Variants in C9orf50 observed in about 807,000 individuals in gnomAD.
C9orf50 encodes uncharacterized protein C9orf50.
C9orf50 carries 33 observed loss-of-function variants against 42.5 expected under a neutral mutation model. The observed-to-expected ratio is 0.78, with a 90% confidence interval of 0.59 to 1.04. C9orf50 has a LOEUF of 1.04. Among genes scored for constraint, C9orf50 ranks in the 50% least tolerant of loss-of-function variants. C9orf50 has a pLI of 0.00. For missense variants in C9orf50, 547 were observed against 594.3 expected (o/e 0.92, Z 0.83); for synonymous variants, 257 against 273.4 (o/e 0.94, Z 0.59).
chr9:129,615,157 G>A (rs1002829526), intron 4 of C9orf50, among the ~76,000 whole-genome samples: 6 of 152,180 alleles, frequency 3.9e-5, no homozygotes, highest in South Asian at 2.1e-4. Flanking sequence ...TGGGGACTGC[G>A]GAGGGGAGCA....
In C9orf50 at chr9:129,613,404, A is replaced by C; in HGVS notation, c.1043+31T>G. 6.2e-7 allele frequency: 1 copy of C among 1,608,818 alleles called. No individual in the cohort carries two copies. Among genetic ancestry groups the C allele is most frequent in the Non-Finnish European group, 8.5e-7 (1 of 1,176,538 alleles). ...GGGGTGGAGGGCCCTGGCAATGTCCACGAGTCCCATCCGCTTCCCTGGAGC... is the reference window on the plus strand; with the variant it reads ...GGGGTGGAGGGCCCTGGCAATGTCCCCGAGTCCCATCCGCTTCCCTGGAGC... On this transcript the variant is annotated intron_variant, in intron 5 of 6. Coordinates refer to ENST00000372478, the Ensembl canonical transcript of C9orf50. This position sits in a 1 kb window ranked among gnomAD's most constrained non-coding sequence, Gnocchi z 6.2.
At chr9:129,617,997 C>A (rs1329747025) in intron 3 of C9orf50, among the ~76,000 whole-genome samples, 1 of 152,174 alleles carries the variant, frequency 6.6e-6, no homozygotes, top group Non-Finnish European at 1.5e-5. Flanking sequence ...TGTTCCATTT[C>A]TAGTTCCTAC....
rs1409390504 is a variant in C9orf50, at chr9:129,613,462, C to A, written c.1016G>T (p.Ser339Ile). The stretch of plus-strand genomic sequence containing the variant: ...GCCAGCGCAGTCCCAACACGAGGAG[C>A]TGGCCAGGGTCTCCTCCTTGGCCCC... The change falls in exon 5 of 7, where the codon AGC (serine) becomes ATC (isoleucine). Residue 339 changes from serine (S) to isoleucine (I), a missense_variant. By Grantham distance (142) the Ser-to-Ile change is moderately radical (BLOSUM62 -2). Coordinates refer to ENST00000372478, the Ensembl canonical transcript of C9orf50. The surrounding 1 kb of genome is among the most constrained non-coding windows in gnomAD (Gnocchi z 6.2). 1.2e-6 allele frequency: 2 copies of A among 1,614,012 alleles called. No homozygotes were observed. Among genetic ancestry groups the A allele is most frequent in the Non-Finnish European group, 1.7e-6 (2 of 1,180,002 alleles).
At chr9:129,612,226 T>C in exon 7 of C9orf50, 1 of 762,292 alleles carries the variant, frequency 1.3e-6, no homozygotes, top group East Asian at 2.7e-5. Flanking sequence ...CAGAAAGGCT[T>C]GTGGTGTGAC....
At chr9:129,618,123 A>T (rs1830484164) in intron 3 of C9orf50, among the ~76,000 whole-genome samples, 1 of 152,086 alleles carries the variant, frequency 6.6e-6, no homozygotes, top group Admixed American at 6.6e-5. Flanking sequence ...AGGAAGAATG[A>T]TATGTTTGTG....
Position 129,613,060 on chromosome 9 carries a change from C to T in C9orf50, c.1188+47G>A. 4 of 1,610,054 alleles carry T rather than the reference C, an allele frequency of 2.5e-6. No individual in the cohort carries two copies. Among genetic ancestry groups the T allele is most frequent in the South Asian group, 1.1e-5 (1 of 90,496 alleles). ...GGCTGCTCCCGGAGCCAGCTGCCAG[C>T]AGGGGCTCACCAGCTTCTAGGTCCA... On this transcript the variant is annotated intron_variant, in intron 6 of 6. Transcript: ENST00000372478. The surrounding 1 kb of genome is among the most constrained non-coding windows in gnomAD (Gnocchi z 6.2).
chr9:129,613,387 G>A lies in C9orf50; in HGVS notation c.1043+48C>T, dbSNP rs539917130. Reference sequence around the variant, plus strand: ...GAGGTCTGTAGGCAAGGGGGGTGGAGGGCCCTGGCAATGTCCACGAGTCCC... The same window carrying A: ...GAGGTCTGTAGGCAAGGGGGGTGGAAGGCCCTGGCAATGTCCACGAGTCCC... On this transcript the variant is annotated intron_variant, in intron 5 of 6. Coordinates refer to ENST00000372478, the Ensembl canonical transcript of C9orf50. This position sits in a 1 kb window ranked among gnomAD's most constrained non-coding sequence, Gnocchi z 6.2. 41 of 1,599,714 alleles carry A rather than the reference G, an allele frequency of 2.6e-5. 1 individual carries two copies. The South Asian group carries it at 3.8e-4, about 15-fold the overall frequency.
rs983451655 is a variant in C9orf50 at position 129,614,046 on chromosome 9, C to T, written c.881-449G>A. ...AAAGGGCTGGGAAGCAGCAGGCTGG[C>T]CCCCACGTCTCCTGGGCACCCTGCT... On this transcript the variant is annotated intron_variant, in intron 4 of 6. Transcript: ENST00000372478. The surrounding 1 kb of genome is among the most constrained non-coding windows in gnomAD (Gnocchi z 4.4). Among the ~76,000 whole-genome samples, 1 of 152,184 alleles carries T rather than the reference C, an allele frequency of 6.6e-6. No homozygotes were observed. The highest frequency in any genetic ancestry group is 1.5e-5 in the Non-Finnish European group (1 of 68,026).
chr9:129,621,258 G>A (rs1830694408), upstream of C9orf50, among the ~76,000 whole-genome samples: 1 of 152,188 alleles, frequency 6.6e-6, no homozygotes. Flanking sequence ...CCTGGGTGGG[G>A]AGCCTGTTGA....
rs769871971 is a variant in C9orf50, at chr9:129,613,096, C to T, written c.1188+11G>A. On this transcript the variant is annotated intron_variant, in intron 6 of 6. Coordinates refer to ENST00000372478, the Ensembl canonical transcript of C9orf50. The surrounding 1 kb of genome is among the most constrained non-coding windows in gnomAD (Gnocchi z 6.2). Reference sequence around the variant, plus strand: ...CAGCTTCTAGGTCCAGGAGCAAGACCATTTGCCCACCTGCTCCAGGTTTCT... The same window carrying T: ...CAGCTTCTAGGTCCAGGAGCAAGACTATTTGCCCACCTGCTCCAGGTTTCT... 4.3e-6 allele frequency: 7 copies of T among 1,613,592 alleles called. No homozygotes were observed. In the East Asian group the frequency reaches 1.6e-4, roughly 36 times the overall value.
chr9:129,612,522 G>A, intron 6 of C9orf50, 68 bp from the exon 7 acceptor site: 1 of 1,269,736 alleles, frequency 7.9e-7, no homozygotes, highest in South Asian at 1.3e-5. Flanking sequence ...GCTCCCAGTG[G>A]GATTCTGTGC....
Position 129,613,262 on chromosome 9 carries a change from C to G in C9orf50, c.1044-11G>C, listed in dbSNP as rs1328578317. On this transcript the variant is annotated splice_polypyrimidine_tract_variant and intron_variant, in intron 5 of 6. Coordinates refer to ENST00000372478, the Ensembl canonical transcript of C9orf50. The surrounding 1 kb of genome is among the most constrained non-coding windows in gnomAD (Gnocchi z 6.2). ...GTCTTCTGGGTGGACCTGGGGGAGA[C>G]AGGACCCCATGAGCTTCCTGGACTC... The G allele has an allele frequency of 3.1e-6, 5 of 1,595,396 alleles. No individual in the cohort carries two copies. Among genetic ancestry groups the G allele is most frequent in the Non-Finnish European group, 4.3e-6 (5 of 1,168,916 alleles).
Position 129,619,905 on chromosome 9 carries a change from G to A in C9orf50, c.509-75C>T, listed in dbSNP as rs996241941. On this transcript the variant is annotated intron_variant, in intron 1 of 6. Transcript: ENST00000372478. ...TCTAGTCATGTGGCCTCGGGGTGAT[G>A]GCAGACCAGCCCTCAAGGACGGGTT... The A allele has an allele frequency of 4.5e-6, 7 of 1,539,194 alleles. No individual in the cohort carries two copies. In the African/African-American group the frequency reaches 9.5e-5, roughly 21 times the overall value.
In C9orf50 at chr9:129,618,528, T is replaced by C. The variant is rs111796736; in HGVS notation, c.716+992A>G. On this transcript the variant is annotated intron_variant, in intron 3 of 6. Coordinates refer to ENST00000372478, the Ensembl canonical transcript of C9orf50. ...GGACAGATGCGTGGCTGGATGATTA[T>C]GTAGATGGGTATGTAGGTTTGTGGA... Among the ~76,000 whole-genome samples, 1,178 of 152,130 alleles carry C rather than the reference T, an allele frequency of 7.7e-3. 8 individuals are homozygous for C. The highest frequency in any genetic ancestry group is 0.014 in the Non-Finnish European group (958 of 68,018).
upstream of C9orf50, among the ~76,000 whole-genome samples, chr9:129,621,313 T>A (rs1318827205): frequency 6.6e-6 from 1 of 152,176 alleles, no homozygotes; most frequent in African/African-American, 2.4e-5. Context: ...ATTCAGTACG[T>A]CTCTGCTGGA....
chr9:129,615,712 C>T, intron 3 of C9orf50, 65 bp from the exon 4 acceptor site: 2 of 1,450,908 alleles, frequency 1.4e-6, no homozygotes, highest in Non-Finnish European at 1.8e-6. Context: ...CACGCACCAG[C>T]CCCAGACTCG....
chr9:129,615,351 T>A (rs1345553359), intron 4 of C9orf50, 133 bp downstream of exon 4: 5 of 988,764 alleles, frequency 5.1e-6, no homozygotes, highest in Non-Finnish European at 7.1e-6. Flanking sequence ...TTCAGGCACA[T>A]CCTCTGCAGG....
In C9orf50 at chr9:129,615,649, TGAGA is replaced by T. The variant is rs1389415250; in HGVS notation, c.717-6_717-3del. On this transcript the variant is annotated splice_region_variant and splice_polypyrimidine_tract_variant and intron_variant, in intron 3 of 6. Coordinates refer to ENST00000372478, the Ensembl canonical transcript of C9orf50. ...GGGACCTGTGCACCGTGGGGCCTGCTGAGAGAGGGGAGAGGGGCCTGTGCTCGAA... is the reference window on the plus strand; with the variant it reads ...GGGACCTGTGCACCGTGGGGCCTGCTGAGGGGAGAGGGGCCTGTGCTCGAA... The T allele has an allele frequency of 6.4e-7, 1 of 1,551,000 alleles. No individual in the cohort carries two copies. Among genetic ancestry groups the T allele is most frequent in the East Asian group, 2.3e-5 (1 of 43,254 alleles).
rs1169817310 is a variant in C9orf50, at chr9:129,612,392, G to T, written c.1251C>A (p.Tyr417Ter). ...GTGTTGCGGAGGCCAGGAGGAGATG[G>T]TACCCCTTAGGGCAGCCTTGCTTCA... is the stretch of plus-strand genomic sequence containing the variant. Residue 417 changes from tyrosine to a stop codon, truncating the protein, a stop_gained, in exon 7 of 7, where the codon TAC (tyrosine) becomes TAA (stop). Coordinates refer to ENST00000372478, the Ensembl canonical transcript of C9orf50. LOFTEE classifies it low-confidence loss of function (END_TRUNC). 3.7e-6 allele frequency: 6 copies of T among 1,613,912 alleles called. No individual in the cohort carries two copies. The South Asian group carries it at 5.5e-5, about 15-fold the overall frequency.
Sources: gnomAD v4.1 joint callset for allele counts (sites outside exome capture counted in the v4.1 genomes callset) on GRCh38, gnomAD v4.1.1 for gene constraint, Gnocchi (gnomAD v3.1) non-coding constraint, MANE v1.5 for transcripts, NCBI Gene and HGNC (gene_info 2026-07-23, HGNC 2026-07-21) for gene names.